CFAP46: variants seen among roughly 807,000 people sequenced by gnomAD.
CFAP46 encodes cilia- and flagella-associated protein 46.
Under a neutral mutation model 325.7 loss-of-function variants are expected in CFAP46, and 245 were observed. That is an observed-to-expected ratio of 0.75 (90% confidence interval 0.68 to 0.84). The LOEUF is 0.84. CFAP46 is among the 40% of genes least tolerant of loss of function. The probability of loss-of-function intolerance (pLI) is 0.00; values close to 1 mark genes in which losing one functional copy is unlikely to be tolerated. For missense variants in CFAP46, 3,346 were observed against 3,543.0 expected (o/e 0.94, Z 1.41); for synonymous variants, 1,523 against 1,495.9 (o/e 1.02, Z -0.42).
intron 22 of CFAP46, among the ~76,000 whole-genome samples, chr10:132,906,978 C>A (rs938727824): frequency 6.6e-6 from 1 of 152,242 alleles, no homozygotes; most frequent in Admixed American, 6.5e-5. Context: ...CCTCTGAGCA[C>A]CCAGGAGACC....
chr10:132,849,905 G>A (rs902205217), intron 41 of CFAP46, among the ~76,000 whole-genome samples: 5 of 152,160 alleles, frequency 3.3e-5, no homozygotes, highest in Non-Finnish European at 5.9e-5. Flanking sequence ...CCGCTGCTGC[G>A]GGACACACCA....
At chr10:132,838,590 GATGCCACAGCTGGTA>G (rs1206997675) in intron 44 of CFAP46, among the ~76,000 whole-genome samples, 7 of 152,284 alleles carry the variant, frequency 4.6e-5, no homozygotes, top group Non-Finnish European at 1.0e-4. Flanking sequence ...CCTCCCTGCA[GATGCCACAGCTGGTA>G]ATGCCACAGC....
Position 132,879,595 on chromosome 10 carries a change from G to A in CFAP46, c.3836C>T (p.Pro1279Leu). ...YVAVEMPPRS[P>L]VSEAEEAVSL... is the part of the protein sequence containing the mutation. ...CACCGCCTCCTCGGCCTCGGACACG[G>A]GGCTCCGTGGGGGCATCTCCACAGC... is the stretch of plus-strand genomic sequence containing the variant. Residue 1279 changes from proline to leucine, a missense_variant, in exon 29 of 58, where the codon CCC becomes CTC. Pro to Leu is a moderately conservative substitution (Grantham distance 98). Coordinates refer to ENST00000368586, the MANE Select transcript of CFAP46 (RefSeq NM_001200049.3). 6.5e-7 allele frequency: 1 copy of A among 1,544,466 alleles called. No individual in the cohort carries two copies. The highest frequency in any genetic ancestry group is 8.7e-7 in the Non-Finnish European group (1 of 1,144,810).
chr10:132,836,960 G>T (rs769887934), intron 44 of CFAP46, 46 bp from the exon 45 acceptor site: 1 of 1,393,900 alleles, frequency 7.2e-7, no homozygotes, highest in Admixed American at 1.7e-5. Flanking sequence ...TAGGACGCAA[G>T]GACGTCGCTG....
chr10:132,825,640 T>C (rs1302175133), intron 50 of CFAP46, among the ~76,000 whole-genome samples: 1 of 152,020 alleles, frequency 6.6e-6, no homozygotes, highest in African/African-American at 2.4e-5. Flanking sequence ...TATAATAACA[T>C]TAAAATATTT....
intron 44 of CFAP46, 41 bp downstream of exon 44, chr10:132,846,016 C>T (rs41309401): frequency 0.026 from 41,692 of 1,575,802 alleles, 1,937 homozygotes; most frequent in African/African-American, 0.2. Context: ...CACAGAGCTC[C>T]AGAGCTGGGG....
chr10:132,890,079 C>T (rs1849233372), intron 25 of CFAP46, among the ~76,000 whole-genome samples: 1 of 152,158 alleles, frequency 6.6e-6, no homozygotes, highest in African/African-American at 2.4e-5. Context: ...CTTATTCGAC[C>T]TGTCTGATGT....
chr10:132,935,399 C>G (rs1328826421), intron 7 of CFAP46, among the ~76,000 whole-genome samples: 1 of 143,312 alleles, frequency 7.0e-6, no homozygotes, highest in Non-Finnish European at 1.5e-5. Flanking sequence ...TCACTCCCCT[C>G]AGCACCCAAA....
intron 6 of CFAP46, 90 bp downstream of exon 6, chr10:132,937,462 G>A: frequency 1.3e-6 from 2 of 1,518,180 alleles, no homozygotes; most frequent in Non-Finnish European, 1.8e-6. Flanking sequence ...ATATCTCTCA[G>A]CAAACTTATG....
chr10:132,879,416 T>G lies in CFAP46; in HGVS notation c.4005+10A>C. On this transcript the variant is annotated intron_variant, in intron 29 of 57. Transcript: ENST00000368586. The stretch of plus-strand genomic sequence containing the variant: ...GCTGCAGGAGCAGGGGAGTCTGCGC[T>G]GGGCCTCACCTGCCAGATGTGCCTG... 6.7e-7 allele frequency: 1 copy of G among 1,495,940 alleles called. No homozygotes were observed. The highest frequency in any genetic ancestry group is 8.9e-7 in the Non-Finnish European group (1 of 1,118,474). The allele number at this position is 1,495,940 out of a possible 1,614,324, so 92.7% of individuals were successfully genotyped here.
chr10:132,846,644 C>T (rs780408182), intron 43 of CFAP46, among the ~76,000 whole-genome samples: 175 of 151,722 alleles, frequency 1.2e-3, no homozygotes, highest in Non-Finnish European at 1.1e-3. Flanking sequence ...TGTGTCTGCC[C>T]GATCCTCTGT....
At chr10:132,846,321 A>G (rs1286243131) in intron 43 of CFAP46, 94 bp from the exon 44 acceptor site, 2 of 1,439,322 alleles carry the variant, frequency 1.4e-6, no homozygotes, top group Non-Finnish European at 9.3e-7. Context: ...GCAGCCTGGG[A>G]GCAGGAGTGG....
chr10:132,899,759 G>C, intron 22 of CFAP46, 93 bp from the exon 23 acceptor site: 1 of 1,387,440 alleles, frequency 7.2e-7, no homozygotes, highest in Non-Finnish European at 9.5e-7. Context: ...GGACTACACA[G>C]GTGGTATTCT....
At chr10:132,883,609 T>C in intron 27 of CFAP46, among the ~76,000 whole-genome samples, 1 of 152,206 alleles carries the variant, frequency 6.6e-6, no homozygotes, top group East Asian at 1.9e-4. Flanking sequence ...GCAACTCCAC[T>C]GCTGGGCTGT....
chr10:132,822,569 CTG>C (rs1336515896), intron 50 of CFAP46, among the ~76,000 whole-genome samples: 13 of 106,836 alleles, frequency 1.2e-4, no homozygotes, highest in South Asian at 6.9e-4. Context: ...CTGATGTGTG[CTG>C]TGTGTGTGCT....
Position 132,881,038 on chromosome 10 carries a change from G to A in CFAP46, c.3628-6C>T. 6.5e-7 allele frequency: 1 copy of A among 1,550,282 alleles called. No homozygotes were observed. Among genetic ancestry groups the A allele is most frequent in the South Asian group, 1.2e-5 (1 of 84,054 alleles). On this transcript the variant is annotated splice_region_variant and splice_polypyrimidine_tract_variant and intron_variant, in intron 27 of 57. Transcript: ENST00000368586. ...TGCCACTCCATCTCAGGCTTCTGTG[G>A]GATTGAACAGGAAGGGTGACATCCT...
At chr10:132,909,890 A>G (rs11146582) in intron 20 of CFAP46, 29 bp downstream of exon 20, 722,894 of 1,391,632 alleles carry the variant, frequency 0.52, 192,863 homozygotes, top group African/African-American at 0.81. Flanking sequence ...GGCCTCAGTC[A>G]GAGCCCAGAT....
In CFAP46 at chr10:132,876,670, G is replaced by A. The variant is rs114891226; in HGVS notation, c.4362+142C>T. 2 of 827,460 alleles carry A rather than the reference G, an allele frequency of 2.4e-6. No homozygotes were observed. The highest frequency in any genetic ancestry group is 3.7e-6 in the Non-Finnish European group (2 of 543,110). 51.3% of individuals were successfully genotyped at this position (827,460 alleles called of 1,614,324 possible). On this transcript the variant is annotated intron_variant, in intron 31 of 57. Coordinates refer to ENST00000368586, the MANE Select transcript of CFAP46 (RefSeq NM_001200049.3). The surrounding 1 kb of genome is among the most constrained non-coding windows in gnomAD (Gnocchi z 4.1). Reference sequence around the variant, plus strand: ...GCAGACAGTGGTGCTGGGAGGGCCTGTGGGAGGCTGGGGGCTGATGGGACT... The same window carrying A: ...GCAGACAGTGGTGCTGGGAGGGCCTATGGGAGGCTGGGGGCTGATGGGACT...
At chr10:132,845,952 G>T in intron 44 of CFAP46, 105 bp downstream of exon 44, 1 of 1,252,002 alleles carries the variant, frequency 8.0e-7, no homozygotes, top group Non-Finnish European at 1.1e-6. Flanking sequence ...TGAGCTGGGG[G>T]GTGAGCAAGG....
Sources: gnomAD v4.1 joint callset for allele counts (sites outside exome capture counted in the v4.1 genomes callset) on GRCh38, gnomAD v4.1.1 for gene constraint, Gnocchi (gnomAD v3.1) non-coding constraint, MANE v1.5 for transcripts, NCBI Gene and HGNC (gene_info 2026-07-23, HGNC 2026-07-21) for gene names.